Variants in TRIM36 observed in about 807,000 individuals in gnomAD.
TRIM36 encodes the protein E3 ubiquitin-protein ligase TRIM36.
A neutral mutation model predicts 72.4 loss-of-function variants in TRIM36; 42 were observed. The observed-to-expected ratio is 0.58, with a 90% CI of 0.45 to 0.75. TRIM36 has a LOEUF of 0.75. Among genes scored for constraint, TRIM36 ranks in the 30% least tolerant of loss-of-function variants. TRIM36 has a pLI of 0.00. For missense variants in TRIM36, 913 were observed against 857.1 expected (o/e 1.07, Z -0.81); for synonymous variants, 315 against 282.8 (o/e 1.11, Z -1.14).
At chr5:115,145,514 CATTTATTT>C (rs200095219) in intron 3 of TRIM36, among the ~76,000 whole-genome samples, 3 of 147,146 alleles carry the variant, frequency 2.0e-5, no homozygotes, top group Non-Finnish European at 2.9e-5. Flanking sequence ...AACTTACAGA[CATTTATTT>C]ATTTATTTAT....
chr5:115,152,900 A>C (rs1366650060), intron 2 of TRIM36, among the ~76,000 whole-genome samples: 1 of 152,164 alleles, frequency 6.6e-6, no homozygotes, highest in African/African-American at 2.4e-5. Flanking sequence ...AAACGCATCA[A>C]AACAGAACCT....
intron 7 of TRIM36, among the ~76,000 whole-genome samples, chr5:115,135,679 A>G (rs978485192): frequency 6.6e-6 from 1 of 152,210 alleles, no homozygotes; most frequent in Non-Finnish European, 1.5e-5. Context: ...AGGACTCACA[A>G]GTAAGCAAAT....
intron 1 of TRIM36, among the ~76,000 whole-genome samples, chr5:115,168,382 CTA>C (rs1754906118): frequency 6.6e-6 from 1 of 152,160 alleles, no homozygotes; most frequent in African/African-American, 2.4e-5. Context: ...TCTATGAATC[CTA>C]TAGTCAGCAT....
intron 1 of TRIM36, among the ~76,000 whole-genome samples, chr5:115,165,359 G>C (rs751315003): frequency 5.3e-5 from 8 of 152,220 alleles, no homozygotes; most frequent in Non-Finnish European, 1.2e-4. Context: ...CCCTGCAGCA[G>C]ACTTCTGCCT....
chr5:115,166,701 G>A (rs1347324691), intron 1 of TRIM36, among the ~76,000 whole-genome samples: 1 of 152,236 alleles, frequency 6.6e-6, no homozygotes, highest in Non-Finnish European at 1.5e-5. Flanking sequence ...GAGGAGACAA[G>A]AGAGGAGAGA....
chr5:115,130,444 T>C (rs1169543428), intron 9 of TRIM36, 148 bp downstream of exon 9: 1 of 793,302 alleles, frequency 1.3e-6, no homozygotes, highest in Non-Finnish European at 1.9e-6. Context: ...ATTACAAGAA[T>C]ACCCGGCTCC....
At chr5:115,171,317 G>A, upstream of TRIM36, 1 of 1,538,746 alleles carries the variant, frequency 6.5e-7, no homozygotes, top group Non-Finnish European at 8.8e-7. Flanking sequence ...AACAGAGGAC[G>A]AAAGCTTTGC....
chr5:115,138,139 G>C (rs777016047), intron 5 of TRIM36, among the ~76,000 whole-genome samples: 2 of 152,074 alleles, frequency 1.3e-5, no homozygotes, highest in Admixed American at 6.5e-5. Context: ...TCGCTCTGTC[G>C]CACAGACTGG....
At chr5:115,157,618 C>T (rs9654507) in intron 2 of TRIM36, among the ~76,000 whole-genome samples, 71,099 of 151,802 alleles carry the variant, frequency 0.47, 17,356 homozygotes, top group East Asian at 0.69. Context: ...GTCCCACTAG[C>T]GGGTATCTAC....
upstream of TRIM36, among the ~76,000 whole-genome samples, chr5:115,171,829 A>C (rs983565549): frequency 5.9e-5 from 9 of 152,238 alleles, no homozygotes; most frequent in African/African-American, 1.9e-4. Context: ...TCTCCAAAAA[A>C]ATAAAAATAC....
chr5:115,170,541 C>T (rs1755059738), upstream of TRIM36, among the ~76,000 whole-genome samples: 1 of 152,174 alleles, frequency 6.6e-6, no homozygotes, highest in African/African-American at 2.4e-5. Context: ...GTTCCCTGGC[C>T]CCGCCCGGCT....
intron 5 of TRIM36, among the ~76,000 whole-genome samples, chr5:115,137,917 A>T (rs1753050243): frequency 6.6e-6 from 1 of 152,214 alleles, no homozygotes; most frequent in South Asian, 2.1e-4. Context: ...TCATCTCCAA[A>T]GTCTGGCAAT....
chr5:115,154,612 T>C lies in TRIM36; in HGVS notation c.263-7218A>G, dbSNP rs972690687. ...AGAGACAGATAAATTATTGGAAAGA[T>C]ACAACCTTCATAGCTTAAATTAGGA... On this transcript the variant is annotated intron_variant, in intron 2 of 9. Transcript: ENST00000513154. Among the ~76,000 whole-genome samples, 19 of 152,256 alleles carry C rather than the reference T, an allele frequency of 1.2e-4. No homozygotes were observed. In the East Asian group the frequency reaches 3.5e-3, roughly 28 times the overall value.
chr5:115,128,241 T>G (rs1752459255), intron 9 of TRIM36, among the ~76,000 whole-genome samples: 1 of 151,484 alleles, frequency 6.6e-6, no homozygotes, highest in African/African-American at 2.4e-5. Flanking sequence ...TGGTGGCGCA[T>G]GCCTGTAATC....
Position 115,130,488 on chromosome 5 carries a change from A to ACT in TRIM36, c.1796+103_1796+104insAG, listed in dbSNP as rs1362815232. The ACT allele has an allele frequency of 1.4e-5, 19 of 1,322,258 alleles. No homozygotes were observed. The East Asian group carries it at 4.4e-4, about 30-fold the overall frequency. The allele number at this position is 1,322,258 out of a possible 1,614,324, so 81.9% of individuals were successfully genotyped here. On this transcript the variant is annotated intron_variant, in intron 9 of 9. Coordinates refer to ENST00000513154, the MANE Select transcript of TRIM36 (RefSeq NM_001300759.2). ...ATCAAGCCACAGCCAAAATACTAGA[A>ACT]TCTAAGAAATAAGAAATGTATACTC...
intron 5 of TRIM36, among the ~76,000 whole-genome samples, chr5:115,140,147 C>G (rs1753199729): frequency 6.6e-6 from 1 of 152,104 alleles, no homozygotes; most frequent in East Asian, 1.9e-4. Context: ...AAAACAAAAG[C>G]ACTGCTGGTA....
chr5:115,149,137 A>G (rs1478521675), intron 2 of TRIM36: 1 of 152,232 alleles, frequency 6.6e-6, no homozygotes, highest in Non-Finnish European at 1.5e-5. Flanking sequence ...AAGTTGCCCC[A>G]TAAAAATTTG....
At chr5:115,178,836 T>C (rs1755467645) in intron 1 of TRIM36, among the ~76,000 whole-genome samples, 1 of 152,196 alleles carries the variant, frequency 6.6e-6, no homozygotes, top group Non-Finnish European at 1.5e-5. Context: ...AGGGTTCATT[T>C]GGGACTTTTT....
rs1753004425 is a variant in TRIM36, at chr5:115,137,114, C to T, written c.1096G>A (p.Ala366Thr). 6.3e-7 allele frequency: 1 copy of T among 1,593,766 alleles called. No individual in the cohort carries two copies. Among genetic ancestry groups the T allele is most frequent in the African/African-American group, 1.4e-5 (1 of 73,774 alleles). ...AKQLHLRIQK[A>T]TESLKSFRPA... ...CTAAAGCTCTTCAAAGATTCTGTGG[C>T]TTTCTGTATTCTGCAGACAGATATT... Residue 366 changes from alanine to threonine, a missense_variant, in exon 7 of 10, where the codon GCC (alanine) becomes ACC (threonine). Transcript: ENST00000513154.
Sources: gnomAD v4.1 joint callset for allele counts (sites outside exome capture counted in the v4.1 genomes callset) on GRCh38, gnomAD v4.1.1 for gene constraint, MANE v1.5 for transcripts, NCBI Gene and HGNC (gene_info 2026-07-23, HGNC 2026-07-21) for gene names.